DOCK4: variants seen among roughly 807,000 people sequenced by gnomAD.
DOCK4 encodes the protein dedicator of cytokinesis 4.
DOCK4 carries 97 observed loss-of-function variants against 268.1 expected under a neutral mutation model. That is an observed-to-expected ratio of 0.36 (90% CI 0.31 to 0.43). The LOEUF is 0.43. Among genes scored for constraint, DOCK4 ranks in the 20% least tolerant of loss-of-function variants. The probability of loss-of-function intolerance (pLI) is 1.00; values close to 1 mark genes in which losing one functional copy is unlikely to be tolerated. For synonymous variants in DOCK4, 954 were observed against 887.2 expected, an observed-to-expected ratio of 1.08 and a Z score of -1.34; for missense variants, 2,145 against 2,455.7, an observed-to-expected ratio of 0.87 and a Z score of 2.67.
At chr7:111,730,101 C>T (rs1441896982) in intron 52 of DOCK4, among the ~76,000 whole-genome samples, 2 of 152,120 alleles carry the variant, frequency 1.3e-5, no homozygotes, top group African/African-American at 4.8e-5. Flanking sequence ...CACCCGGCCT[C>T]CTTCATTTGT....
intron 32 of DOCK4, among the ~76,000 whole-genome samples, chr7:111,786,058 T>A (rs911437180): frequency 6.6e-6 from 1 of 152,184 alleles, no homozygotes; most frequent in African/African-American, 2.4e-5. Flanking sequence ...CTCTTTTTAA[T>A]CCAAAGAGTA....
chr7:112,027,110 T>C (rs1802865665), intron 1 of DOCK4, among the ~76,000 whole-genome samples: 1 of 152,164 alleles, frequency 6.6e-6, no homozygotes, highest in Non-Finnish European at 1.5e-5. Flanking sequence ...CACAAATACA[T>C]TGGAGAAATC....
At chr7:111,765,249 C>A in intron 38 of DOCK4, 27 bp from the exon 39 acceptor site, 1 of 1,227,652 alleles carries the variant, frequency 8.1e-7, no homozygotes, top group Non-Finnish European at 1.1e-6. Context: ...ACATTCTAAG[C>A]ATTTTATCTC....
chr7:111,898,226 GA>G (rs1354532268), intron 15 of DOCK4, among the ~76,000 whole-genome samples: 2 of 152,160 alleles, frequency 1.3e-5, no homozygotes, highest in African/African-American at 4.8e-5. Context: ...GCTATTCCTT[GA>G]AAAGGCCAAG....
At chr7:111,748,879 A>G (rs528797406) in intron 42 of DOCK4, among the ~76,000 whole-genome samples, 1 of 152,318 alleles carries the variant, frequency 6.6e-6, no homozygotes, top group Non-Finnish European at 1.5e-5. Context: ...ATGGAATGGA[A>G]TAGTATACAG....
At chr7:111,921,500 C>T (rs1793134729) in intron 12 of DOCK4, among the ~76,000 whole-genome samples, 1 of 152,112 alleles carries the variant, frequency 6.6e-6, no homozygotes, top group African/African-American at 2.4e-5. Flanking sequence ...AGCCATTTTG[C>T]CACTAATAAA....
intron 41 of DOCK4, among the ~76,000 whole-genome samples, chr7:111,757,041 G>C (rs900359115): frequency 1.3e-5 from 2 of 151,984 alleles, no homozygotes; most frequent in Non-Finnish European, 1.5e-5. Context: ...GGAGGAGAGT[G>C]GGGGTAGCAG....
chr7:111,783,745 T>G, intron 34 of DOCK4, 112 bp downstream of exon 34: 1 of 946,756 alleles, frequency 1.1e-6, no homozygotes, highest in South Asian at 1.6e-5. Context: ...TTCCATGGTC[T>G]GATAATCAAT....
chr7:112,051,426 A>G (rs1446868659), intron 1 of DOCK4, among the ~76,000 whole-genome samples: 1 of 152,144 alleles, frequency 6.6e-6, no homozygotes, highest in Admixed American at 6.6e-5. Context: ...GGAAAATTAT[A>G]ATGATACTAA....
intron 26 of DOCK4, among the ~76,000 whole-genome samples, chr7:111,827,486 T>C (rs1179600699): frequency 2.6e-5 from 4 of 152,084 alleles, no homozygotes; most frequent in African/African-American, 9.7e-5. Context: ...TGGCAAATAA[T>C]GAGAGTGCAT....
intron 30 of DOCK4, 42 bp downstream of exon 30, chr7:111,808,779 A>C: frequency 6.3e-7 from 1 of 1,584,186 alleles, no homozygotes; most frequent in Non-Finnish European, 8.6e-7. Context: ...AGGTACAGCG[A>C]GGAGCTGTAT....
intron 25 of DOCK4, among the ~76,000 whole-genome samples, chr7:111,836,839 G>C (rs1803277272): frequency 6.6e-6 from 1 of 151,720 alleles, no homozygotes. Flanking sequence ...ATAAAGCATA[G>C]ACAGAAAAAA....
At chr7:111,975,629 T>A (rs1329122981) in intron 8 of DOCK4, among the ~76,000 whole-genome samples, 1 of 152,192 alleles carries the variant, frequency 6.6e-6, no homozygotes, top group Non-Finnish European at 1.5e-5. Flanking sequence ...TTACCACTGT[T>A]ATTTCCACAC....
At chr7:112,189,646 A>C (rs1158066602) in intron 1 of DOCK4, among the ~76,000 whole-genome samples, 1 of 152,176 alleles carries the variant, frequency 6.6e-6, no homozygotes, top group Non-Finnish European at 1.5e-5. Context: ...TACAATAAAA[A>C]TAATACAGTC....
chr7:111,884,036 A>G (rs1206601525), intron 16 of DOCK4, among the ~76,000 whole-genome samples: 3 of 152,144 alleles, frequency 2.0e-5, no homozygotes, highest in Non-Finnish European at 2.9e-5. Context: ...GAACCCTTTT[A>G]TATATTTACC....
chr7:112,175,155 G>A (rs1818402517), intron 1 of DOCK4, among the ~76,000 whole-genome samples: 2 of 151,930 alleles, frequency 1.3e-5, no homozygotes, highest in Non-Finnish European at 2.9e-5. Context: ...GAGTCACCGC[G>A]CCCAGCCCCG....
At chr7:112,076,884 T>G (rs976945635) in intron 1 of DOCK4, among the ~76,000 whole-genome samples, 3 of 152,146 alleles carry the variant, frequency 2.0e-5, no homozygotes, top group African/African-American at 7.2e-5. Flanking sequence ...GAATATACTA[T>G]TTCTTAAGGT....
intron 16 of DOCK4, among the ~76,000 whole-genome samples, chr7:111,894,228 A>AG (rs1202724771): frequency 6.6e-6 from 1 of 151,890 alleles, no homozygotes; most frequent in African/African-American, 2.4e-5. Context: ...TCTCAAAAAA[A>AG]AAAAGAAAAA....
chr7:112,127,241 T>C (rs1813308406), intron 1 of DOCK4, among the ~76,000 whole-genome samples: 3 of 151,890 alleles, frequency 2.0e-5, no homozygotes, highest in African/African-American at 7.3e-5. Context: ...TAAAAAATGA[T>C]GAGTTCATGT....
Sources: gnomAD v4.1 joint callset for allele counts (sites outside exome capture counted in the v4.1 genomes callset) on GRCh38, gnomAD v4.1.1 for gene constraint, MANE v1.5 for transcripts, NCBI Gene and HGNC (gene_info 2026-07-23, HGNC 2026-07-21) for gene names.